Variants in CPNE4 observed in about 807,000 individuals in gnomAD.
The protein encoded by CPNE4 is copine 4.
In CPNE4, 25 loss-of-function variants were observed where a neutral mutation model predicts 67.9. That is an observed-to-expected ratio of 0.37 (90% CI 0.27 to 0.51). CPNE4 has a LOEUF of 0.51. CPNE4 is among the 20% of genes least tolerant of loss of function. The probability of loss-of-function intolerance (pLI) is 0.93; values close to 1 mark genes in which losing one functional copy is unlikely to be tolerated. For missense variants in CPNE4, 464 were observed against 690.8 expected (o/e 0.67, Z 3.68); for synonymous variants, 242 against 244.9 (o/e 0.99, Z 0.11).
chr3:131,790,894 A>G (rs2083700808), intron 2 of CPNE4, among the ~76,000 whole-genome samples: 1 of 152,190 alleles, frequency 6.6e-6, no homozygotes, highest in Non-Finnish European at 1.5e-5. Context: ...GCCTAATACA[A>G]TACAATTTTA....
At chr3:131,958,609 CTTTTTTTTTTTTTTTTTTTTTT>C (rs748126986) in intron 1 of CPNE4, among the ~76,000 whole-genome samples, 6 of 96,000 alleles carry the variant, frequency 6.3e-5, no homozygotes, top group South Asian at 3.6e-4. Flanking sequence ...TCTTTCTTTT[CTTTTTTTTTTTTTTTTTTTTTT>C]TTTTTTTTTT....
At chr3:131,767,343 G>A (rs2083047260) in intron 2 of CPNE4, among the ~76,000 whole-genome samples, 1 of 151,790 alleles carries the variant, frequency 6.6e-6, no homozygotes, top group Non-Finnish European at 1.5e-5. Flanking sequence ...TATCTAGGAG[G>A]GACAAACCAT....
chr3:131,829,881 T>A (rs1477119004), intron 2 of CPNE4, among the ~76,000 whole-genome samples: 2 of 152,222 alleles, frequency 1.3e-5, no homozygotes, highest in Admixed American at 6.5e-5. Flanking sequence ...AAGTCATTAG[T>A]GATGGGTTTT....
At chr3:131,680,247 C>T (rs996882790) in intron 6 of CPNE4, among the ~76,000 whole-genome samples, 2 of 82,602 alleles carry the variant, frequency 2.4e-5, no homozygotes, top group African/African-American at 9.4e-5. Context: ...AGGATTGCAA[C>T]CCCTGCTTTT....
chr3:131,802,607 C>A (rs528984070), intron 2 of CPNE4, among the ~76,000 whole-genome samples: 43 of 152,208 alleles, frequency 2.8e-4, no homozygotes, highest in African/African-American at 1.0e-3. Context: ...ATGGAAAGAC[C>A]TATGTCACAA....
chr3:131,871,304 G>A (rs903082982), intron 2 of CPNE4, among the ~76,000 whole-genome samples: 1 of 152,146 alleles, frequency 6.6e-6, no homozygotes, highest in Non-Finnish European at 1.5e-5. Flanking sequence ...ATAAGAATCA[G>A]TGGGATTTGC....
intron 1 of CPNE4, among the ~76,000 whole-genome samples, chr3:131,972,204 C>T (rs1234879702): frequency 1.8e-4 from 27 of 152,152 alleles, no homozygotes; most frequent in Admixed American, 1.8e-3. Flanking sequence ...GACGCTGAAG[C>T]CAATGAAAAT....
intron 2 of CPNE4, among the ~76,000 whole-genome samples, chr3:131,845,856 T>A (rs1429782265): frequency 6.6e-6 from 1 of 152,168 alleles, no homozygotes; most frequent in Non-Finnish European, 1.5e-5. Context: ...AGGAAAAAAA[T>A]TCTGGATATT....
At chr3:131,746,970 G>A (rs2082505065) in intron 2 of CPNE4, among the ~76,000 whole-genome samples, 1 of 152,052 alleles carries the variant, frequency 6.6e-6, no homozygotes, top group South Asian at 2.1e-4. Context: ...CATTCTAACA[G>A]GAATGAGTAG....
chr3:131,644,361 A>G (rs951954890), intron 7 of CPNE4, among the ~76,000 whole-genome samples: 3 of 151,952 alleles, frequency 2.0e-5, no homozygotes, highest in African/African-American at 4.8e-5. Flanking sequence ...GTTAACCAGG[A>G]TGGTCTTGAT....
Position 131,558,586 on chromosome 3 carries a change from C to A in CPNE4, c.1062-3035G>T, listed in dbSNP as rs1364662655. ...AATGGTAATGAGTAAGCTGTCCTGA[C>A]CTTCTTAGGGAATGACTATTGTCAA... On this transcript the variant is annotated intron_variant, in intron 11 of 15. Transcript: ENST00000429747. Among the ~76,000 whole-genome samples the A allele has an allele frequency of 2.0e-5, 3 of 151,854 alleles. 1 individual carries two copies. The highest frequency in any genetic ancestry group is 4.1e-4 in the South Asian group (2 of 4,824).
At chr3:131,922,260 T>C (rs1442551529) in intron 1 of CPNE4, among the ~76,000 whole-genome samples, 1 of 152,218 alleles carries the variant, frequency 6.6e-6, no homozygotes, top group Non-Finnish European at 1.5e-5. Context: ...TTTTGTTCTT[T>C]TATATGGCTG....
At chr3:131,581,086 TCA>T (rs1937803022) in intron 9 of CPNE4, among the ~76,000 whole-genome samples, 1 of 152,096 alleles carries the variant, frequency 6.6e-6, no homozygotes, top group Non-Finnish European at 1.5e-5. Context: ...GGCAGAAGAA[TCA>T]CTTGAACCTG....
chr3:131,780,932 G>A (rs1007364003), intron 2 of CPNE4, among the ~76,000 whole-genome samples: 9 of 152,032 alleles, frequency 5.9e-5, no homozygotes, highest in Non-Finnish European at 1.0e-4. Context: ...ACAGCACCTA[G>A]AGCACAGCTT....
At chr3:131,888,811 G>A (rs9817730) in intron 2 of CPNE4, among the ~76,000 whole-genome samples, 35,850 of 150,466 alleles carry the variant, frequency 0.24, 4,520 homozygotes, top group Non-Finnish European at 0.28. Flanking sequence ...TAGGAAAGTC[G>A]AAACAGATCA....
intron 2 of CPNE4, among the ~76,000 whole-genome samples, chr3:131,728,529 T>C (rs933513730): frequency 3.9e-5 from 6 of 152,168 alleles, no homozygotes; most frequent in Admixed American, 2.6e-4. Flanking sequence ...AAGTCAATGA[T>C]TGAGGCTGCA....
At chr3:131,780,111 A>C (rs772688198) in intron 2 of CPNE4, among the ~76,000 whole-genome samples, 75 of 152,206 alleles carry the variant, frequency 4.9e-4, no homozygotes, top group Non-Finnish European at 9.6e-4. Flanking sequence ...AGGGGAATGC[A>C]AATCAAAAAC....
intron 1 of CPNE4, among the ~76,000 whole-genome samples, chr3:131,978,038 T>C (rs1254890133): frequency 8.6e-6 from 1 of 116,858 alleles, no homozygotes; most frequent in East Asian, 2.3e-4. Context: ...CTGCATAGTA[T>C]TCCATCATAG....
At chr3:131,700,585 T>G (rs936372464) in intron 3 of CPNE4, among the ~76,000 whole-genome samples, 1 of 152,238 alleles carries the variant, frequency 6.6e-6, no homozygotes, top group Non-Finnish European at 1.5e-5. Flanking sequence ...CTAGCAGAAC[T>G]TGTCCCATTC....
Sources: gnomAD v4.1 joint callset for allele counts (sites outside exome capture counted in the v4.1 genomes callset) on GRCh38, gnomAD v4.1.1 for gene constraint, MANE v1.5 for transcripts, NCBI Gene and HGNC (gene_info 2026-07-23, HGNC 2026-07-21) for gene names.